Variants in CHST9 observed in about 807,000 individuals in gnomAD.
The protein encoded by CHST9 is GalNAc-4-sulfotransferase 2.
Under a neutral mutation model 44.4 loss-of-function variants are expected in CHST9, and 41 were observed. That is an observed-to-expected ratio of 0.92 (90% confidence interval 0.72 to 1.20). The LOEUF is 1.20. Ranked by LOEUF, CHST9 falls within the 50% of genes most tolerant of loss-of-function variation. The pLI is 0.00. For missense variants in CHST9, 504 were observed against 516.5 expected, an observed-to-expected ratio of 0.98 and a Z score of 0.23; for synonymous variants, 171 against 178.4, an observed-to-expected ratio of 0.96 and a Z score of 0.33.
intron 2 of CHST9, among the ~76,000 whole-genome samples, chr18:27,140,360 T>C (rs149513932): frequency 1.3e-4 from 20 of 152,372 alleles, no homozygotes; most frequent in South Asian, 6.2e-4. Context: ...TTGGCACTTA[T>C]TAAGCTCTCC....
intron 4 of CHST9, among the ~76,000 whole-genome samples, chr18:26,953,651 G>T (rs1275470912): frequency 1.3e-5 from 2 of 152,154 alleles, no homozygotes; most frequent in Non-Finnish European, 2.9e-5. Flanking sequence ...AGGGAATAAA[G>T]ATTAGAAGGA....
At chr18:26,986,812 C>T (rs942231744) in intron 4 of CHST9, among the ~76,000 whole-genome samples, 16 of 151,978 alleles carry the variant, frequency 1.1e-4, no homozygotes, top group African/African-American at 3.9e-4. Context: ...ACCTGTCAAT[C>T]TAGAGTTTTA....
At chr18:27,099,968 C>T (rs2058154766) in intron 2 of CHST9, among the ~76,000 whole-genome samples, 3 of 151,506 alleles carry the variant, frequency 2.0e-5, no homozygotes, top group African/African-American at 7.3e-5. Flanking sequence ...ATGGAATCAA[C>T]CTAGGTGTCC....
chr18:26,935,158 A>G (rs2055965088), intron 5 of CHST9: 1 of 152,048 alleles, frequency 6.6e-6, no homozygotes, highest in Admixed American at 6.5e-5. Flanking sequence ...TCATTGCATC[A>G]TTGAACCAAT....
intron 2 of CHST9, among the ~76,000 whole-genome samples, chr18:27,112,955 C>T (rs969206085): frequency 7.9e-5 from 12 of 151,980 alleles, no homozygotes; most frequent in African/African-American, 2.9e-4. Flanking sequence ...TTTGAGAGGC[C>T]GAGGCCGGTG....
At position 26,908,840 on chromosome 18, in the gene CHST9, T is replaced by A. The variant is rs1480870665; in HGVS notation, c.*7419A>T. Reference sequence around the variant, plus strand: ...TTAAGTTAAATTGCAAAATATTTCCTGGGGCACTTGCTCTCAAACTAATAA... The same window carrying A: ...TTAAGTTAAATTGCAAAATATTTCCAGGGGCACTTGCTCTCAAACTAATAA... On this transcript the variant is annotated 3_prime_UTR_variant, in exon 6 of 6. Transcript: ENST00000618847. The A allele has an allele frequency of 6.6e-6, 1 of 152,254 alleles. No homozygotes were observed. The highest frequency in any genetic ancestry group is 1.5e-5 in the Non-Finnish European group (1 of 68,044). The allele number at this position is 152,254 out of a possible 1,614,324, so 9.4% of individuals were successfully genotyped here.
rs151250051 is a variant in CHST9 at position 26,969,718 on chromosome 18, G to A, written c.203-25352C>T. 4.6e-5 allele frequency among the ~76,000 whole-genome samples: 7 copies of A among 152,290 alleles called. No homozygotes were observed. In the East Asian group the frequency reaches 7.7e-4, roughly 17 times the overall value. ...AATGAAGAAGATAAATTAGGGTGAT[G>A]AGCTAGAGAGTGAGGGAGGAGGGAG... On this transcript the variant is annotated intron_variant, in intron 4 of 5. Transcript: ENST00000618847.
At chr18:27,026,822 C>G (rs2057289721) in intron 3 of CHST9, among the ~76,000 whole-genome samples, 1 of 152,190 alleles carries the variant, frequency 6.6e-6, no homozygotes, top group African/African-American at 2.4e-5. Context: ...TCCAGTATAT[C>G]TGTTCTTATA....
At chr18:27,041,407 C>A (rs1331030632) in intron 3 of CHST9, among the ~76,000 whole-genome samples, 1 of 152,100 alleles carries the variant, frequency 6.6e-6, no homozygotes, top group Non-Finnish European at 1.5e-5. Flanking sequence ...AGAGTCAACA[C>A]AGATTAAAGT....
chr18:27,126,481 G>A (rs1225098306), intron 2 of CHST9, among the ~76,000 whole-genome samples: 1 of 152,130 alleles, frequency 6.6e-6, no homozygotes, highest in Non-Finnish European at 1.5e-5. Flanking sequence ...ACAAGGGAGA[G>A]GCAACTTAAG....
intron 4 of CHST9, among the ~76,000 whole-genome samples, chr18:26,970,918 T>C (rs1171082484): frequency 2.0e-5 from 3 of 152,340 alleles, no homozygotes; most frequent in South Asian, 4.2e-4. Flanking sequence ...TTGTGTGTGA[T>C]TGAATGTTGT....
chr18:27,087,226 T>C (rs1163285930), intron 2 of CHST9, among the ~76,000 whole-genome samples: 5 of 152,188 alleles, frequency 3.3e-5, no homozygotes, highest in Non-Finnish European at 7.4e-5. Context: ...TTTATGTTTA[T>C]TGACATCAGA....
intron 1 of CHST9, among the ~76,000 whole-genome samples, chr18:27,165,437 G>A (rs771504991): frequency 6.6e-6 from 1 of 152,156 alleles, no homozygotes; most frequent in Non-Finnish European, 1.5e-5. Flanking sequence ...GAAGGACCAG[G>A]ACATACATGC....
intron 3 of CHST9, among the ~76,000 whole-genome samples, chr18:27,040,458 T>C (rs1359367488): frequency 6.6e-6 from 1 of 152,174 alleles, no homozygotes; most frequent in Non-Finnish European, 1.5e-5. Context: ...CTGGTTCTGG[T>C]GTCCCCCACA....
intron 4 of CHST9, among the ~76,000 whole-genome samples, chr18:26,946,701 T>C (rs2056168391): frequency 6.6e-6 from 1 of 152,152 alleles, no homozygotes; most frequent in East Asian, 1.9e-4. Context: ...TTGTATAAGG[T>C]GTAAGGAAGG....
intron 2 of CHST9, among the ~76,000 whole-genome samples, chr18:27,078,458 A>G (rs1444850357): frequency 2.0e-5 from 3 of 152,020 alleles, no homozygotes; most frequent in African/African-American, 7.2e-5. Flanking sequence ...GGAAGTATAT[A>G]CATGTGTATG....
At chr18:27,184,376 T>TGA (rs2058938435) in intron 1 of CHST9, among the ~76,000 whole-genome samples, 1 of 152,126 alleles carries the variant, frequency 6.6e-6, no homozygotes, top group Admixed American at 6.5e-5. Flanking sequence ...TAACACCTTC[T>TGA]AACAGAAACA....
intron 1 of CHST9, among the ~76,000 whole-genome samples, chr18:27,160,051 G>A (rs56002237): frequency 0.12 from 17,499 of 152,142 alleles, 1,331 homozygotes; most frequent in Non-Finnish European, 0.16. Flanking sequence ...CATGTCTTCC[G>A]CAAACAGGGA....
At chr18:27,084,586 T>C (rs2057992532) in intron 2 of CHST9, among the ~76,000 whole-genome samples, 1 of 151,912 alleles carries the variant, frequency 6.6e-6, no homozygotes, top group African/African-American at 2.4e-5. Flanking sequence ...TTATCTATTC[T>C]TTCAAAAAAA....
Sources: allele counts gnomAD v4.1 joint callset (sites outside exome capture counted in the v4.1 genomes callset), GRCh38; gene constraint gnomAD v4.1.1; transcripts MANE v1.5; gene names NCBI Gene and HGNC (gene_info 2026-07-23, HGNC 2026-07-21).